Variants in SNTG1 observed in about 807,000 individuals in gnomAD.
SNTG1 encodes gamma-1-syntrophin.
In SNTG1, 39 loss-of-function variants were observed where a neutral mutation model predicts 74.7. The ratio of observed to expected loss-of-function variants is 0.52; its 90% CI spans 0.40 to 0.68. SNTG1 has a LOEUF of 0.68. Ranked by LOEUF, SNTG1 falls within the 30% of genes least tolerant of loss-of-function variation. SNTG1 has a pLI of 0.00. For missense variants in SNTG1, 685 were observed against 609.5 expected (o/e 1.12, Z -1.30); for synonymous variants, 254 against 217.1 (o/e 1.17, Z -1.49).
chr8:50,662,889 T>C (rs557349882), intron 15 of SNTG1, among the ~76,000 whole-genome samples: 1 of 152,342 alleles, frequency 6.6e-6, no homozygotes, highest in South Asian at 2.1e-4. Flanking sequence ...TGTCTGTTAA[T>C]TCATATCAGT....
At chr8:49,955,378 G>A (rs1316760329) in intron 1 of SNTG1, among the ~76,000 whole-genome samples, 1 of 152,152 alleles carries the variant, frequency 6.6e-6, no homozygotes, top group Admixed American at 6.5e-5. Context: ...GTCTTCATAA[G>A]GAGCTCAGCA....
Position 50,794,155 on chromosome 8 carries a change from C to T in SNTG1, c.*1326C>T, listed in dbSNP as rs1482403333. On this transcript the variant is annotated 3_prime_UTR_variant, in exon 19 of 19. Transcript: ENST00000642720. ...AAAAATTTTTATTGATACACATGCT[C>T]CCAGGTAAACCAAGTATTATGTGTG... 4.0e-5 allele frequency: 6 copies of T among 151,230 alleles called. No individual in the cohort carries two copies. The highest frequency in any genetic ancestry group is 7.4e-5 in the Non-Finnish European group (5 of 67,730). 9.4% of individuals were successfully genotyped at this position (151,230 alleles called of 1,614,324 possible).
chr8:50,540,867 T>A (rs1381484828), intron 11 of SNTG1, among the ~76,000 whole-genome samples: 1 of 151,974 alleles, frequency 6.6e-6, no homozygotes, highest in African/African-American at 2.4e-5. Context: ...TTTATTAGTC[T>A]TACTGTATAA....
intron 1 of SNTG1, among the ~76,000 whole-genome samples, chr8:50,086,126 A>C (rs1448455820): frequency 6.6e-6 from 1 of 152,234 alleles, no homozygotes; most frequent in East Asian, 1.9e-4. Context: ...AATGTGGAAC[A>C]CTGTGCAGCA....
intron 2 of SNTG1, among the ~76,000 whole-genome samples, chr8:50,292,808 C>T (rs914740454): frequency 9.9e-5 from 15 of 152,108 alleles, no homozygotes; most frequent in African/African-American, 3.4e-4. Flanking sequence ...TATCCATAAC[C>T]TACAGGTGGC....
chr8:50,584,445 G>T (rs530545759), intron 12 of SNTG1, among the ~76,000 whole-genome samples: 85 of 151,106 alleles, frequency 5.6e-4, no homozygotes, highest in Non-Finnish European at 7.1e-4. Context: ...CTGACTTTTT[G>T]ATGATTGCCA....
At chr8:50,040,359 CT>C (rs1818529888) in intron 1 of SNTG1, among the ~76,000 whole-genome samples, 2 of 152,038 alleles carry the variant, frequency 1.3e-5, no homozygotes, top group Non-Finnish European at 2.9e-5. Context: ...TGTTATAAAA[CT>C]TATAGCGTGC....
intron 2 of SNTG1, among the ~76,000 whole-genome samples, chr8:50,362,141 TGGATTTTGTAA>T (rs2091976904): frequency 6.6e-6 from 1 of 152,164 alleles, no homozygotes; most frequent in African/African-American, 2.4e-5. Context: ...CTCAGGACTA[TGGATTTTGTAA>T]GCCAGGGAAG....
At chr8:50,012,138 T>A (rs1815870690) in intron 1 of SNTG1, among the ~76,000 whole-genome samples, 1 of 152,196 alleles carries the variant, frequency 6.6e-6, no homozygotes, top group South Asian at 2.1e-4. Flanking sequence ...ATTTCAATTT[T>A]AAAAAGTGTT....
intron 1 of SNTG1, among the ~76,000 whole-genome samples, chr8:50,095,380 C>T (rs2079889966): frequency 6.6e-6 from 1 of 152,122 alleles, no homozygotes; most frequent in Admixed American, 6.6e-5. Context: ...GTGATCTCTG[C>T]AAGCATTTAG....
In SNTG1 at chr8:50,427,560, G is replaced by A. The variant is rs562146523; in HGVS notation, c.163-10983G>A. Reference sequence around the variant, plus strand: ...CCTGCCTCAGCCTCCCAAGTAGCTTGGCCTACAGGTGCATACCACCATGCT... The same window carrying A: ...CCTGCCTCAGCCTCCCAAGTAGCTTAGCCTACAGGTGCATACCACCATGCT... On this transcript the variant is annotated intron_variant, in intron 4 of 18. Transcript: ENST00000642720. Among the ~76,000 whole-genome samples the A allele has an allele frequency of 3.3e-4, 50 of 152,142 alleles. 2 individuals carry two copies. The South Asian group carries it at 8.7e-3, about 27-fold the overall frequency.
chr8:50,310,139 C>A lies in SNTG1; in HGVS notation c.-27-84073C>A, dbSNP rs192790643. Among the ~76,000 whole-genome samples, 501 of 152,232 alleles carry A rather than the reference C, an allele frequency of 3.3e-3. 8 individuals carry two copies. The highest frequency in any genetic ancestry group is 2.8e-3 in the Non-Finnish European group (193 of 68,020). On this transcript the variant is annotated intron_variant, in intron 2 of 18. Transcript: ENST00000642720. Reference sequence around the variant, plus strand: ...AATGACCATTGTCCTTCAAGTTGGTCGCCTGGGGAAGGAGTTTACCTACTC... The same window carrying A: ...AATGACCATTGTCCTTCAAGTTGGTAGCCTGGGGAAGGAGTTTACCTACTC...
At chr8:50,657,128 T>A in intron 14 of SNTG1, 103 bp downstream of exon 14, 1 of 536,030 alleles carries the variant, frequency 1.9e-6, no homozygotes, top group Non-Finnish European at 3.1e-6. Context: ...TTTTAAAAAA[T>A]AATATAGAGA....
intron 13 of SNTG1, among the ~76,000 whole-genome samples, chr8:50,621,943 C>A: frequency 6.6e-6 from 1 of 152,314 alleles, no homozygotes; most frequent in Middle Eastern, 3.4e-3. Context: ...CTTCTTTCCT[C>A]TGCTCCAGCC....
chr8:50,202,974 T>C (rs561807325), intron 2 of SNTG1, among the ~76,000 whole-genome samples: 2 of 152,266 alleles, frequency 1.3e-5, no homozygotes, highest in East Asian at 3.9e-4. Context: ...GTCTCCTTTT[T>C]CTTTTGATAT....
At chr8:50,539,702 A>T (rs2094332814) in intron 11 of SNTG1, among the ~76,000 whole-genome samples, 1 of 152,132 alleles carries the variant, frequency 6.6e-6, no homozygotes. Flanking sequence ...GCTGTCCATG[A>T]CACCCCACTG....
At chr8:50,239,279 C>T (rs1009058874) in intron 2 of SNTG1, among the ~76,000 whole-genome samples, 13 of 152,148 alleles carry the variant, frequency 8.5e-5, no homozygotes, top group African/African-American at 1.4e-4. Flanking sequence ...TTAGTTCATT[C>T]GCACACTGCT....
intron 17 of SNTG1, among the ~76,000 whole-genome samples, chr8:50,740,605 G>A (rs186646863): frequency 4.3e-4 from 65 of 152,132 alleles, no homozygotes; most frequent in African/African-American, 1.3e-3. Flanking sequence ...CCTAAAAATA[G>A]AAATATTATT....
At chr8:50,502,673 G>A in intron 8 of SNTG1, 105 bp from the exon 9 acceptor site, 1 of 862,262 alleles carries the variant, frequency 1.2e-6, no homozygotes, top group Non-Finnish European at 1.8e-6. Context: ...CTGAATACTA[G>A]GGAAAAATGG....
Sources: allele counts gnomAD v4.1 joint callset (sites outside exome capture counted in the v4.1 genomes callset), GRCh38; gene constraint gnomAD v4.1.1; transcripts MANE v1.5; gene names NCBI Gene and HGNC (gene_info 2026-07-23, HGNC 2026-07-21).